ROBO1: variants seen among roughly 807,000 people sequenced by gnomAD.
The protein encoded by ROBO1 is roundabout guidance receptor 1.
A neutral mutation model predicts 195.9 loss-of-function variants in ROBO1; 149 were observed. The ratio of observed to expected loss-of-function variants is 0.76; its 90% CI spans 0.67 to 0.87. ROBO1 has a LOEUF of 0.87. Ranked by LOEUF, ROBO1 falls within the 40% of genes least tolerant of loss-of-function variation. ROBO1 has a pLI of 0.00. For synonymous variants in ROBO1, 816 were observed against 733.2 expected, an observed-to-expected ratio of 1.11 and a Z score of -1.82; for missense variants, 1,933 against 2,068.3, an observed-to-expected ratio of 0.93 and a Z score of 1.27.
chr3:78,685,765 T>C lies in ROBO1; in HGVS notation c.1323A>G (p.Ala441=), dbSNP rs759441909. 6 of 1,606,768 alleles carry C rather than the reference T, an allele frequency of 3.7e-6. No individual in the cohort carries two copies. In the Admixed American group the frequency reaches 8.4e-5, roughly 23 times the overall value. ...CTTTACCATCTGTAACTTCCAAATA[T>C]GCCTTTGTGATGATGCTTCCAGCAA... ...LNVAGSIITK[A]YLEVTDVIAD... is the part of the protein sequence containing the mutation. The change falls in exon 10 of 31, where the codon GCA becomes GCG. Residue 441 remains alanine (A), a synonymous_variant. Transcript: ENST00000464233.
At chr3:78,632,174 A>G (rs1705224647) in intron 24 of ROBO1, among the ~76,000 whole-genome samples, 1 of 152,170 alleles carries the variant, frequency 6.6e-6, no homozygotes, top group African/African-American at 2.4e-5. Flanking sequence ...AGTTCCCTTT[A>G]TATCAGTGCA....
At chr3:79,395,597 G>A (rs887263127) in intron 2 of ROBO1, among the ~76,000 whole-genome samples, 3 of 152,018 alleles carry the variant, frequency 2.0e-5, no homozygotes, top group South Asian at 2.1e-4. Context: ...TCTAAAAATT[G>A]TAACTGCTAT....
chr3:78,939,480 T>C (rs912162784), intron 3 of ROBO1, among the ~76,000 whole-genome samples: 40 of 146,908 alleles, frequency 2.7e-4, no homozygotes, highest in Non-Finnish European at 4.9e-4. Context: ...TAGCCTGGCG[T>C]GGTGGCGGAC....
At chr3:78,899,902 T>C (rs968417978) in intron 4 of ROBO1, among the ~76,000 whole-genome samples, 3 of 152,186 alleles carry the variant, frequency 2.0e-5, no homozygotes, top group East Asian at 3.9e-4. Flanking sequence ...ATGCAGATAA[T>C]TAGGAACCGT....
intron 2 of ROBO1, among the ~76,000 whole-genome samples, chr3:79,361,724 T>C (rs185187561): frequency 3.9e-5 from 6 of 152,226 alleles, no homozygotes; most frequent in Admixed American, 3.9e-4. Context: ...GTAACAGATA[T>C]TTACACATAT....
chr3:79,416,972 A>G (rs978010965), intron 2 of ROBO1, among the ~76,000 whole-genome samples: 2 of 152,204 alleles, frequency 1.3e-5, no homozygotes, highest in African/African-American at 2.4e-5. Context: ...AAAAGTAACA[A>G]TAACAAACAA....
intron 1 of ROBO1, among the ~76,000 whole-genome samples, chr3:79,615,004 G>A (rs1560040092): frequency 6.6e-6 from 1 of 152,042 alleles, no homozygotes; most frequent in Non-Finnish European, 1.5e-5. Context: ...CCAACTGAAT[G>A]GACCCCTCCT....
intron 2 of ROBO1, among the ~76,000 whole-genome samples, chr3:79,428,077 T>C (rs1295428491): frequency 6.6e-6 from 1 of 152,020 alleles, no homozygotes; most frequent in Non-Finnish European, 1.5e-5. Context: ...ATATGAGGAA[T>C]TTATAAGGAG....
intron 2 of ROBO1, among the ~76,000 whole-genome samples, chr3:79,516,327 A>T (rs1940942435): frequency 6.6e-6 from 1 of 152,140 alleles, no homozygotes. Context: ...TCACTTCTTC[A>T]TTCACAGCTC....
At chr3:78,860,320 A>AT (rs1381126549) in intron 4 of ROBO1, among the ~76,000 whole-genome samples, 15 of 71,502 alleles carry the variant, frequency 2.1e-4, no homozygotes, top group African/African-American at 9.0e-4. Context: ...ATATATATAT[A>AT]TATATATTTT....
At chr3:79,302,148 C>G (rs745996722) in intron 2 of ROBO1, among the ~76,000 whole-genome samples, 1 of 152,168 alleles carries the variant, frequency 6.6e-6, no homozygotes, top group Non-Finnish European at 1.5e-5. Context: ...GAACTATACA[C>G]GCTATCCACA....
intron 1 of ROBO1, among the ~76,000 whole-genome samples, chr3:79,609,006 C>T (rs1944574787): frequency 6.6e-6 from 1 of 151,882 alleles, no homozygotes; most frequent in Admixed American, 6.6e-5. Context: ...CTAAATAAGC[C>T]TTAGCATTCG....
chr3:79,370,723 T>A (rs1035778831), intron 2 of ROBO1, among the ~76,000 whole-genome samples: 4 of 152,036 alleles, frequency 2.6e-5, no homozygotes, highest in Non-Finnish European at 4.4e-5. Flanking sequence ...ATGTGCAGGT[T>A]TGTTACATAG....
chr3:79,644,798 A>G (rs150817703), intron 1 of ROBO1, among the ~76,000 whole-genome samples: 1 of 152,256 alleles, frequency 6.6e-6, no homozygotes, highest in Non-Finnish European at 1.5e-5. Flanking sequence ...TCCAGAATAG[A>G]TCATGTTTTA....
At chr3:79,542,831 T>G (rs1320886913) in intron 2 of ROBO1, among the ~76,000 whole-genome samples, 1 of 152,074 alleles carries the variant, frequency 6.6e-6, no homozygotes, top group Admixed American at 6.6e-5. Context: ...CAGGAAGGTG[T>G]GTGATTTGCT....
chr3:78,690,246 C>T (rs1438178408), intron 8 of ROBO1, among the ~76,000 whole-genome samples: 1 of 150,928 alleles, frequency 6.6e-6, no homozygotes, highest in Non-Finnish European at 1.5e-5. Flanking sequence ...ATTAGAACTC[C>T]TACCTTCTAG....
chr3:79,347,478 G>T (rs2035165926), intron 2 of ROBO1, among the ~76,000 whole-genome samples: 1 of 152,158 alleles, frequency 6.6e-6, no homozygotes, highest in Non-Finnish European at 1.5e-5. Flanking sequence ...ATCAAGTAAT[G>T]ATGACATGAT....
chr3:79,425,035 G>T (rs1252241735), intron 2 of ROBO1, among the ~76,000 whole-genome samples: 4 of 152,150 alleles, frequency 2.6e-5, no homozygotes, highest in African/African-American at 9.7e-5. Flanking sequence ...GCCTAGAACT[G>T]CCTGGGATTC....
intron 2 of ROBO1, among the ~76,000 whole-genome samples, chr3:79,134,053 A>C (rs1352651263): frequency 5.3e-5 from 8 of 149,830 alleles, no homozygotes; most frequent in East Asian, 2.0e-4. Context: ...TAATTAAACT[A>C]AAGAGCTTCT....
Sources: gnomAD v4.1 joint callset for allele counts (sites outside exome capture counted in the v4.1 genomes callset) on GRCh38, gnomAD v4.1.1 for gene constraint, MANE v1.5 for transcripts, NCBI Gene and HGNC (gene_info 2026-07-23, HGNC 2026-07-21) for gene names.